The following AGBL1 variants were observed in gnomAD, a reference collection of about 807,000 sequenced individuals.
The protein encoded by AGBL1 is cytosolic carboxypeptidase 4.
In AGBL1, 130 loss-of-function variants were observed where a neutral mutation model predicts 118.9. The ratio of observed to expected loss-of-function variants is 1.09; its 90% CI spans 0.95 to 1.26. The LOEUF is 1.26. AGBL1 is among the 50% of genes most tolerant of loss of function. AGBL1 has a pLI of 0.00. For missense variants in AGBL1, 1,584 were observed against 1,298.1 expected, an observed-to-expected ratio of 1.22 and a Z score of -3.38; for synonymous variants, 555 against 478.9, an observed-to-expected ratio of 1.16 and a Z score of -2.08.
At chr15:86,849,249 C>G (rs2079364198) in intron 22 of AGBL1, among the ~76,000 whole-genome samples, 1 of 152,218 alleles carries the variant, frequency 6.6e-6, no homozygotes, top group African/African-American at 2.4e-5. Context: ...ATGCAGCTTT[C>G]TCTGCTTTGC....
chr15:87,004,946 T>C (rs1311463026), intron 24 of AGBL1, among the ~76,000 whole-genome samples: 3 of 152,194 alleles, frequency 2.0e-5, no homozygotes, highest in Non-Finnish European at 2.9e-5. Flanking sequence ...CCTTTACTTA[T>C]GAAGCTTAGT....
At chr15:86,418,405 C>G (rs899029943) in intron 18 of AGBL1, among the ~76,000 whole-genome samples, 1 of 152,172 alleles carries the variant, frequency 6.6e-6, no homozygotes, top group Non-Finnish European at 1.5e-5. Flanking sequence ...AATAACCTGT[C>G]AAAGTGTGAA....
chr15:86,271,153 C>T (rs12899560), intron 14 of AGBL1, among the ~76,000 whole-genome samples: 63,918 of 148,378 alleles, frequency 0.43, 13,705 homozygotes, highest in Middle Eastern at 0.53. Flanking sequence ...CGGGTTCAAG[C>T]GATTCTCCTG....
chr15:86,603,507 G>A (rs2084527626), intron 21 of AGBL1, among the ~76,000 whole-genome samples: 2 of 151,710 alleles, frequency 1.3e-5, no homozygotes, highest in African/African-American at 2.4e-5. Context: ...GTCCCCCTTA[G>A]CCCCCTATTT....
intron 22 of AGBL1, among the ~76,000 whole-genome samples, chr15:86,898,524 G>T (rs2080165194): frequency 1.3e-5 from 2 of 152,164 alleles, no homozygotes; most frequent in Admixed American, 1.3e-4. Flanking sequence ...GGTCTTAGAT[G>T]AAACAAAATA....
At chr15:86,153,576 T>G (rs1324836675) in intron 3 of AGBL1, among the ~76,000 whole-genome samples, 2 of 152,112 alleles carry the variant, frequency 1.3e-5, no homozygotes, top group African/African-American at 4.8e-5. Flanking sequence ...GGTTGATGGG[T>G]GCAGCAAACC....
At chr15:86,629,239 T>A (rs780460879) in intron 21 of AGBL1, among the ~76,000 whole-genome samples, 9 of 152,140 alleles carry the variant, frequency 5.9e-5, no homozygotes, top group Non-Finnish European at 1.3e-4. Context: ...AAAGATTGGT[T>A]GGAGCTTGAG....
At chr15:86,779,400 A>G (rs768221685) in intron 22 of AGBL1, among the ~76,000 whole-genome samples, 2 of 152,258 alleles carry the variant, frequency 1.3e-5, no homozygotes, top group Non-Finnish European at 1.5e-5. Flanking sequence ...GCACTAAGAC[A>G]GTATTCCATT....
chr15:86,804,291 T>C (rs17643872), intron 22 of AGBL1, among the ~76,000 whole-genome samples: 8,988 of 152,256 alleles, frequency 0.059, 401 homozygotes, highest in Middle Eastern at 0.078. Flanking sequence ...CTCAGGTTAA[T>C]TGTCATTAGA....
intron 18 of AGBL1, among the ~76,000 whole-genome samples, chr15:86,471,798 T>C (rs2082482828): frequency 1.3e-5 from 2 of 152,180 alleles, no homozygotes; most frequent in African/African-American, 4.8e-5. Flanking sequence ...GGTGATGTAG[T>C]AGGTCGAATG....
intron 21 of AGBL1, among the ~76,000 whole-genome samples, chr15:86,641,596 C>A (rs2142469108): frequency 6.6e-6 from 1 of 152,038 alleles, no homozygotes; most frequent in East Asian, 1.9e-4. Context: ...TTTAGTTTTT[C>A]TTGTCTTTGG....
chr15:86,110,209 G>A (rs567735494), intron 1 of AGBL1, among the ~76,000 whole-genome samples: 13 of 152,288 alleles, frequency 8.5e-5, no homozygotes, highest in African/African-American at 2.2e-4. Context: ...CTTAAACAAC[G>A]TTGGGGTTAG....
chr15:86,560,953 T>G lies in AGBL1; in HGVS notation c.2994+6416T>G, dbSNP rs558392348. 6.6e-5 allele frequency among the ~76,000 whole-genome samples: 10 copies of G among 152,374 alleles called. No homozygotes were observed. In the East Asian group the frequency reaches 1.9e-3, roughly 29 times the overall value. ...TAAATGTCTTCTTTTGAGAAGTGTC[T>G]GTTCATATCATTTGCCCACTTTTTG... is the stretch of plus-strand genomic sequence containing the variant. On this transcript the variant is annotated intron_variant, in intron 21 of 22. Coordinates refer to ENST00000614907, the MANE Select transcript of AGBL1 (RefSeq NM_001386094.1).
chr15:86,323,124 GA>G (rs761735935), intron 17 of AGBL1, among the ~76,000 whole-genome samples: 4 of 151,356 alleles, frequency 2.6e-5, no homozygotes, highest in Non-Finnish European at 5.9e-5. Flanking sequence ...CTTTACTTTG[GA>G]GCATAGCACA....
chr15:86,270,256 C>T (rs2079137936), intron 14 of AGBL1, among the ~76,000 whole-genome samples, 189 bp downstream of exon 14: 1 of 152,168 alleles, frequency 6.6e-6, no homozygotes, highest in Admixed American at 6.5e-5. Flanking sequence ...GGAGGCTGGG[C>T]ACCCTCACTC....
chr15:86,978,541 A>G (rs1198016425), intron 23 of AGBL1, among the ~76,000 whole-genome samples: 1 of 152,226 alleles, frequency 6.6e-6, no homozygotes. Flanking sequence ...GCTCCTTAAC[A>G]GAAAATGAAT....
intron 22 of AGBL1, among the ~76,000 whole-genome samples, chr15:86,845,047 C>A (rs1036835193): frequency 6.6e-6 from 1 of 152,064 alleles, no homozygotes; most frequent in African/African-American, 2.4e-5. Flanking sequence ...CACTTTTATG[C>A]AGTGCTTGCT....
intron 21 of AGBL1, among the ~76,000 whole-genome samples, chr15:86,621,462 C>A (rs2084802776): frequency 6.6e-6 from 1 of 152,222 alleles, no homozygotes; most frequent in African/African-American, 2.4e-5. Flanking sequence ...TAGTTGCCAG[C>A]AATCTGTGGC....
chr15:86,145,643 A>G (rs182866146), intron 3 of AGBL1, among the ~76,000 whole-genome samples: 1 of 152,244 alleles, frequency 6.6e-6, no homozygotes, highest in East Asian at 1.9e-4. Flanking sequence ...AATGATGGAG[A>G]ACTAGGCTTT....
Sources: allele counts gnomAD v4.1 joint callset (sites outside exome capture counted in the v4.1 genomes callset), GRCh38; gene constraint gnomAD v4.1.1; transcripts MANE v1.5; gene names NCBI Gene and HGNC (gene_info 2026-07-23, HGNC 2026-07-21).